The following TRPC6 variants were observed in gnomAD, a reference collection of about 807,000 sequenced individuals.
TRPC6 encodes the protein short transient receptor potential channel 6.
A neutral mutation model predicts 90.7 loss-of-function variants in TRPC6; 55 were observed. The ratio of observed to expected loss-of-function variants is 0.61; its 90% CI spans 0.49 to 0.76. The LOEUF (loss-of-function observed/expected upper bound fraction) is 0.76. Among genes scored for constraint, TRPC6 ranks in the 30% least tolerant of loss-of-function variants. The pLI, the probability that TRPC6 is intolerant of heterozygous loss-of-function variation, is 0.00. For synonymous variants in TRPC6, 393 were observed against 393.0 expected (o/e 1.00, Z 0.00); for missense variants, 989 against 1,122.7 (o/e 0.88, Z 1.70).
At chr11:101,568,379 ATGTT>A (rs1861882266) in intron 1 of TRPC6, among the ~76,000 whole-genome samples, 1 of 152,236 alleles carries the variant, frequency 6.6e-6, no homozygotes, top group Non-Finnish European at 1.5e-5. Flanking sequence ...GACCAAATCT[ATGTT>A]TGATTGGTGT....
chr11:101,575,288 C>A (rs368092490), intron 1 of TRPC6, among the ~76,000 whole-genome samples: 2 of 152,106 alleles, frequency 1.3e-5, no homozygotes, highest in African/African-American at 2.4e-5. Context: ...CATTAGCAAT[C>A]GACACAATTT....
intron 1 of TRPC6, among the ~76,000 whole-genome samples, chr11:101,531,380 G>T (rs1484567355): frequency 6.6e-6 from 1 of 152,222 alleles, no homozygotes; most frequent in Non-Finnish European, 1.5e-5. Flanking sequence ...GTGGAACAGA[G>T]ACTTGACCCC....
chr11:101,482,756 G>A (rs969117286), intron 5 of TRPC6, among the ~76,000 whole-genome samples, 193 bp downstream of exon 5: 1 of 152,166 alleles, frequency 6.6e-6, no homozygotes, highest in African/African-American at 2.4e-5. Context: ...AAGGCGCACA[G>A]CATGCGAGAA....
At chr11:101,583,213 C>A (rs1380171517) in intron 1 of TRPC6, 121 bp downstream of exon 1, 2 of 1,444,180 alleles carry the variant, frequency 1.4e-6, no homozygotes, top group Non-Finnish European at 1.8e-6. Flanking sequence ...CTCCCAGCAC[C>A]GTCCTAGGAG....
At position 101,558,515 on chromosome 11, in the gene TRPC6, CAG is replaced by C. The variant is rs1205594795; in HGVS notation, c.170+24817_170+24818del. ...CACACACATATACTAATCAGTGAAA[CAG>C]AATAGAAAGCCCAGGACATGATTTA... On this transcript the variant is annotated intron_variant, in intron 1 of 12. Coordinates refer to ENST00000344327, the MANE Select transcript of TRPC6 (RefSeq NM_004621.6). Among the ~76,000 whole-genome samples, 14 of 49,086 alleles carry C rather than the reference CAG, an allele frequency of 2.9e-4. 4 individuals carry two copies. Among genetic ancestry groups the C allele is most frequent in the African/African-American group, 1.2e-3 (14 of 11,326 alleles). The allele number at this position is 49,086 out of a possible 152,430, so 32.2% of individuals were successfully genotyped here. A position where few individuals can be genotyped will look rare whatever the true frequency, so the allele number is the denominator to read the frequency against.
At chr11:101,537,252 T>G (rs1319380874) in intron 1 of TRPC6, among the ~76,000 whole-genome samples, 1 of 152,202 alleles carries the variant, frequency 6.6e-6, no homozygotes, top group East Asian at 1.9e-4. Flanking sequence ...CCAAGAATCC[T>G]GATTCCCAAG....
intron 10 of TRPC6, among the ~76,000 whole-genome samples, chr11:101,461,432 C>T (rs146492010): frequency 1.3e-5 from 2 of 151,936 alleles, no homozygotes; most frequent in African/African-American, 4.8e-5. Flanking sequence ...ATTAGCCAGG[C>T]GTGGTGGTGC....
chr11:101,583,237 T>A, intron 1 of TRPC6, 97 bp downstream of exon 1: 1 of 1,483,984 alleles, frequency 6.7e-7, no homozygotes, highest in Non-Finnish European at 8.9e-7. Context: ...CACACGCGGG[T>A]TCAGGACGCG....
intron 12 of TRPC6, 27 bp downstream of exon 12, chr11:101,453,623 G>A: frequency 1.2e-6 from 2 of 1,609,616 alleles, no homozygotes; most frequent in African/African-American, 1.3e-5. Context: ...ACATTCAGGG[G>A]CTGATTTGCT....
chr11:101,516,404 G>A (rs1860524349), intron 1 of TRPC6, among the ~76,000 whole-genome samples: 1 of 152,130 alleles, frequency 6.6e-6, no homozygotes, highest in Non-Finnish European at 1.5e-5. Context: ...ACTTAAGAAT[G>A]TGATCGCTGA....
At chr11:101,501,032 G>A (rs910993243) in intron 2 of TRPC6, among the ~76,000 whole-genome samples, 1 of 151,954 alleles carries the variant, frequency 6.6e-6, no homozygotes, top group African/African-American at 2.4e-5. Context: ...TTTAAACTGT[G>A]TGAATGAACA....
chr11:101,521,700 C>T (rs183279818), intron 1 of TRPC6, among the ~76,000 whole-genome samples: 2 of 152,366 alleles, frequency 1.3e-5, no homozygotes, highest in East Asian at 3.9e-4. Context: ...GCCATGGGAA[C>T]TAAACTTTGC....
At chr11:101,497,073 A>G (rs1271891302) in intron 2 of TRPC6, among the ~76,000 whole-genome samples, 1 of 152,252 alleles carries the variant, frequency 6.6e-6, no homozygotes, top group African/African-American at 2.4e-5. Context: ...AGAAAGGAAC[A>G]TAGCTGAGTA....
At chr11:101,480,140 T>C (rs994693812) in intron 5 of TRPC6, among the ~76,000 whole-genome samples, 13 of 152,116 alleles carry the variant, frequency 8.5e-5, no homozygotes, top group African/African-American at 3.1e-4. Context: ...ATCGCGCCAT[T>C]GCACTCCAGC....
chr11:101,512,892 C>G (rs1197628713), intron 1 of TRPC6, among the ~76,000 whole-genome samples: 1 of 151,822 alleles, frequency 6.6e-6, no homozygotes, highest in Non-Finnish European at 1.5e-5. Context: ...TCCAATTCCT[C>G]TGCATAAGAT....
chr11:101,496,131 C>A (rs1423293266), intron 2 of TRPC6, among the ~76,000 whole-genome samples: 1 of 151,804 alleles, frequency 6.6e-6, no homozygotes, highest in Non-Finnish European at 1.5e-5. Context: ...AGTTTTAAAC[C>A]ATCAAATCTC....
At chr11:101,505,508 T>C (rs1024037993) in intron 1 of TRPC6, among the ~76,000 whole-genome samples, 1 of 152,134 alleles carries the variant, frequency 6.6e-6, no homozygotes, top group Non-Finnish European at 1.5e-5. Context: ...TAGGTATAGG[T>C]AGAAAGTTTT....
chr11:101,514,223 A>G (rs1209821374), intron 1 of TRPC6, among the ~76,000 whole-genome samples: 3 of 152,336 alleles, frequency 2.0e-5, no homozygotes, highest in Middle Eastern at 3.4e-3. Flanking sequence ...AACATGTTCT[A>G]GGCACTGTGC....
intron 1 of TRPC6, among the ~76,000 whole-genome samples, chr11:101,575,617 T>C (rs1232327363): frequency 6.6e-6 from 1 of 152,186 alleles, no homozygotes; most frequent in Non-Finnish European, 1.5e-5. Flanking sequence ...AATCTAGCTA[T>C]TATTTCTATT....
Sources: allele counts gnomAD v4.1 joint callset (sites outside exome capture counted in the v4.1 genomes callset), GRCh38; gene constraint gnomAD v4.1.1; transcripts MANE v1.5; gene names NCBI Gene and HGNC (gene_info 2026-07-23, HGNC 2026-07-21).